ABCA3: variants seen among roughly 807,000 people sequenced by gnomAD.
ABCA3 encodes ATP binding cassette subfamily A member 3.
ABCA3 carries 88 observed loss-of-function variants against 172.8 expected under a neutral mutation model. The ratio of observed to expected loss-of-function variants is 0.51; its 90% CI spans 0.43 to 0.61. ABCA3 has a LOEUF of 0.61. Ranked by LOEUF, ABCA3 falls within the 20% of genes least tolerant of loss-of-function variation. The pLI is 0.00. For synonymous variants in ABCA3, 1,066 were observed against 983.8 expected, an observed-to-expected ratio of 1.08 and a Z score of -1.56; for missense variants, 2,164 against 2,301.0, an observed-to-expected ratio of 0.94 and a Z score of 1.22.
intron 14 of ABCA3, among the ~76,000 whole-genome samples, chr16:2,299,016 C>T (rs749515417): frequency 3.3e-5 from 5 of 151,704 alleles, no homozygotes; most frequent in Non-Finnish European, 7.4e-5. Context: ...CAGACAGAGG[C>T]GGTGAGGAGG....
At chr16:2,339,838 C>T (rs2093757673) in intron 1 of ABCA3, among the ~76,000 whole-genome samples, 1 of 152,280 alleles carries the variant, frequency 6.6e-6, no homozygotes, top group African/African-American at 2.4e-5. Flanking sequence ...AAGGCCGTCC[C>T]GGCCCTTCTG....
In ABCA3 at chr16:2,283,695, T is replaced by A. The variant is rs1282967355; in HGVS notation, c.3863-337A>T. 2.8e-6 allele frequency: 1 copy of A among 353,758 alleles called. No individual in the cohort carries two copies. Among genetic ancestry groups the A allele is most frequent in the Non-Finnish European group, 5.3e-6 (1 of 187,072 alleles). 21.9% of individuals were successfully genotyped at this position (353,758 alleles called of 1,614,324 possible). A position where few individuals can be genotyped will look rare whatever the true frequency, so the allele number is the denominator to read the frequency against. On this transcript the variant is annotated intron_variant, in intron 25 of 32. Transcript: ENST00000301732. The surrounding 1 kb of genome is among the most constrained non-coding windows in gnomAD (Gnocchi z 5.4). ...AAGCACCGAGGGGTGTGTGGGAGGC[T>A]GAGGAGGCCCCACAGGACAGGTCCA...
intron 10 of ABCA3, among the ~76,000 whole-genome samples, chr16:2,316,927 G>C (rs1201720837): frequency 1.3e-5 from 2 of 152,164 alleles, no homozygotes; most frequent in Non-Finnish European, 2.9e-5. Context: ...AGAAGCAAAA[G>C]AGAATGATAA....
At chr16:2,312,973 G>A (rs1368366794) in intron 10 of ABCA3, among the ~76,000 whole-genome samples, 1 of 151,838 alleles carries the variant, frequency 6.6e-6, no homozygotes, top group Non-Finnish European at 1.5e-5. Context: ...AGGATCACTC[G>A]AGCCCTGGGA....
At chr16:2,327,563 T>C (rs1026913518) in intron 3 of ABCA3, among the ~76,000 whole-genome samples, 4 of 152,196 alleles carry the variant, frequency 2.6e-5, no homozygotes, top group Non-Finnish European at 5.9e-5. Context: ...CTGGCCCCCA[T>C]TGGCCTTGCT....
chr16:2,319,697 C>G lies in ABCA3; in HGVS notation c.757G>C (p.Asp253His), dbSNP rs780452483. The G allele has an allele frequency of 6.2e-7, 1 of 1,613,960 alleles. No homozygotes were observed. Among genetic ancestry groups the G allele is most frequent in the Non-Finnish European group, 8.5e-7 (1 of 1,180,014 alleles). ...TACTGGATGGCCACGAGGAAGGGGTCTGCGATGAACGGCGGGTACGGGAAC... is the reference window on the plus strand; with the variant it reads ...TACTGGATGGCCACGAGGAAGGGGTGTGCGATGAACGGCGGGTACGGGAAC... ...KRFPYPPFIA[D>H]PFLVAIQYQL... The change falls in exon 8 of 33, where the codon GAC becomes CAC. Residue 253 changes from aspartate to histidine, a missense_variant. This residue lies in a region of ABCA3 where 1,343 missense variants were observed against 1,369.6 expected (regional missense o/e 0.98). Coordinates refer to ENST00000301732, the MANE Select transcript of ABCA3 (RefSeq NM_001089.3).
intron 1 of ABCA3, among the ~76,000 whole-genome samples, chr16:2,336,910 C>CT (rs533847659): frequency 5.5e-4 from 79 of 144,772 alleles, no homozygotes; most frequent in Middle Eastern, 3.5e-3. Flanking sequence ...ACCTCTCATC[C>CT]TTTTTTTTTT....
chr16:2,339,820 CT>C (rs2093757646), intron 1 of ABCA3, among the ~76,000 whole-genome samples: 1 of 152,402 alleles, frequency 6.6e-6, no homozygotes, highest in East Asian at 1.9e-4. Context: ...CCCCACGCCC[CT>C]GACCATAAGG....
At chr16:2,312,162 A>G (rs912252217) in intron 10 of ABCA3, among the ~76,000 whole-genome samples, 3 of 152,192 alleles carry the variant, frequency 2.0e-5, no homozygotes, top group Non-Finnish European at 2.9e-5. Context: ...GCAAAATTCT[A>G]TTTTTTGCCT....
chr16:2,306,534 C>T (rs1164850319), intron 11 of ABCA3, among the ~76,000 whole-genome samples: 1 of 152,162 alleles, frequency 6.6e-6, no homozygotes, highest in East Asian at 1.9e-4. Flanking sequence ...CTAGGAACTG[C>T]ATGGTGCCAT....
chr16:2,319,721 A>T lies in ABCA3; in HGVS notation c.733T>A (p.Phe245Ile). 6.2e-7 allele frequency: 1 copy of T among 1,612,764 alleles called. No individual in the cohort carries two copies. The highest frequency in any genetic ancestry group is 8.5e-7 in the Non-Finnish European group (1 of 1,179,708). ...FQRLTVTIKR[F>I]PYPPFIADPF... ...TCTGCGATGAACGGCGGGTACGGGA[A>T]CCTCTTGATGGTCACCGTCAGTCTC... Residue 245 changes from phenylalanine (F) to isoleucine (I), a missense_variant, in exon 8 of 33, where the codon TTC (phenylalanine) becomes ATC (isoleucine). Phe to Ile is a conservative substitution (Grantham distance 21). This residue lies in a region of ABCA3 where 1,343 missense variants were observed against 1,369.6 expected (regional missense o/e 0.98). Transcript: ENST00000301732.
intron 8 of ABCA3, among the ~76,000 whole-genome samples, chr16:2,318,515 T>C (rs1468547476): frequency 6.6e-6 from 1 of 151,860 alleles, no homozygotes; most frequent in African/African-American, 2.4e-5. Context: ...CTTTTTCTCT[T>C]TTTCTTTTTT....
chr16:2,280,519 C>T (rs750829394), intron 28 of ABCA3, among the ~76,000 whole-genome samples: 4 of 152,320 alleles, frequency 2.6e-5, no homozygotes, highest in Admixed American at 6.5e-5. Flanking sequence ...GAGAGGACTC[C>T]GCGGCCACTT....
At position 2,287,676 on chromosome 16, in the gene ABCA3, T is replaced by G. The variant is rs2093665151; in HGVS notation, c.3004+350A>C. Among the ~76,000 whole-genome samples, 1 of 152,248 alleles carries G rather than the reference T, an allele frequency of 6.6e-6. No individual in the cohort carries two copies. Among genetic ancestry groups the G allele is most frequent in the South Asian group, 2.1e-4 (1 of 4,836 alleles). ...CAAAGCAAAGGTAACTTGAAGTCAC[T>G]ATGCTTCTGCATTTTGCCCATGAAT... is the stretch of plus-strand genomic sequence containing the variant. On this transcript the variant is annotated intron_variant, in intron 21 of 32. Transcript: ENST00000301732. The surrounding 1 kb of genome is among the most constrained non-coding windows in gnomAD (Gnocchi z 4.1).
chr16:2,290,310 T>C (rs1049543998), intron 19 of ABCA3, among the ~76,000 whole-genome samples: 4 of 152,252 alleles, frequency 2.6e-5, no homozygotes, highest in Middle Eastern at 3.4e-3. Flanking sequence ...CTGCCCATGG[T>C]CTGAGCTCCG....
intron 1 of ABCA3, 141 bp from the exon 2 acceptor site, chr16:2,329,995 T>C (rs1425452797): frequency 6.6e-6 from 1 of 151,998 alleles, no homozygotes; most frequent in Non-Finnish European, 1.5e-5. Context: ...AATTTTGGAT[T>C]TAGAAAATAA....
chr16:2,332,299 T>C (rs2093744495), intron 1 of ABCA3: 2 of 632,204 alleles, frequency 3.2e-6, no homozygotes, highest in Non-Finnish European at 5.7e-6. Flanking sequence ...TGAATTTTGA[T>C]AGTCACGATG....
chr16:2,333,514 G>A (rs368882920), intron 1 of ABCA3, among the ~76,000 whole-genome samples: 5 of 152,148 alleles, frequency 3.3e-5, no homozygotes, highest in Non-Finnish European at 7.3e-5. Flanking sequence ...TCAAAGATCC[G>A]CGTGTATGCG....
intron 10 of ABCA3, among the ~76,000 whole-genome samples, chr16:2,313,631 G>A (rs904743223): frequency 6.0e-5 from 9 of 151,252 alleles, no homozygotes; most frequent in South Asian, 4.2e-4. Context: ...GAGGCCAGGC[G>A]TGGTGGCTCA....
Sources: gnomAD v4.1 joint callset for allele counts (sites outside exome capture counted in the v4.1 genomes callset) on GRCh38, gnomAD v4.1.1 for gene constraint, gnomAD v4.1.1 regional missense constraint, Gnocchi (gnomAD v3.1) non-coding constraint, MANE v1.5 for transcripts, NCBI Gene and HGNC (gene_info 2026-07-23, HGNC 2026-07-21) for gene names.